The following CLASP2 variants were observed in gnomAD, a reference collection of about 807,000 sequenced individuals.
CLASP2 encodes cytoplasmic linker associated protein 2, also known as CLIP-associating protein 2.
In CLASP2, 47 loss-of-function variants were observed where a neutral mutation model predicts 194.4. The ratio of observed to expected loss-of-function variants is 0.24; its 90% CI spans 0.19 to 0.31. CLASP2 has a LOEUF of 0.31. Ranked by LOEUF, CLASP2 falls within the 10% of genes least tolerant of loss-of-function variation. The pLI is 1.00. For synonymous variants in CLASP2, 619 were observed against 633.5 expected (o/e 0.98, Z 0.34); for missense variants, 1,445 against 1,823.6 (o/e 0.79, Z 3.78).
At chr3:33,572,985 A>T in intron 25 of CLASP2, 125 bp downstream of exon 25, 1 of 1,049,014 alleles carries the variant, frequency 9.5e-7, no homozygotes, top group African/African-American at 1.6e-5. Flanking sequence ...AAACACTTTG[A>T]AGCAACCATA....
At position 33,711,187 on chromosome 3, in the gene CLASP2, C is replaced by T. The variant is rs184081709; in HGVS notation, c.195+6621G>A. On this transcript the variant is annotated intron_variant, in intron 1 of 38. Transcript: ENST00000682230. ...AAGAGGTTTTGTGTTTTTCTCCAAA[C>T]ACCTTCAGTTGCCCTAGTGTAGCTA... Among the ~76,000 whole-genome samples the T allele has an allele frequency of 1.0e-3, 155 of 151,806 alleles. 2 individuals are homozygous for T. Among genetic ancestry groups the T allele is most frequent in the African/African-American group, 3.6e-3 (149 of 41,410 alleles).
intron 24 of CLASP2, among the ~76,000 whole-genome samples, chr3:33,573,792 T>G (rs2064256297): frequency 6.6e-6 from 1 of 152,104 alleles, no homozygotes; most frequent in Admixed American, 6.5e-5. Context: ...TAAAGTTCCA[T>G]TTTTTTCTGT....
intron 7 of CLASP2, among the ~76,000 whole-genome samples, chr3:33,661,131 G>A (rs2085242862): frequency 6.6e-6 from 1 of 152,032 alleles, no homozygotes; most frequent in Non-Finnish European, 1.5e-5. Flanking sequence ...TCATCTAATG[G>A]TCTTTCACTT....
Position 33,601,059 on chromosome 3 carries a change from C to T in CLASP2, c.1924+1893G>A, listed in dbSNP as rs536486417. Among the ~76,000 whole-genome samples, 10 of 150,406 alleles carry T rather than the reference C, an allele frequency of 6.6e-5. No homozygotes were observed. The South Asian group carries it at 1.7e-3, about 25-fold the overall frequency. Reference sequence around the variant, plus strand: ...CTGCAACCTCCGCCTCCCGGGTTCACGCCATTCTCCTGCCTCAGCCTCCCG... The same window carrying T: ...CTGCAACCTCCGCCTCCCGGGTTCATGCCATTCTCCTGCCTCAGCCTCCCG... On this transcript the variant is annotated intron_variant, in intron 18 of 38. Coordinates refer to ENST00000682230, the MANE Select transcript of CLASP2 (RefSeq NM_001365631.1).
intron 2 of CLASP2, among the ~76,000 whole-genome samples, chr3:33,693,176 T>C (rs2091530168): frequency 6.6e-6 from 1 of 152,050 alleles, no homozygotes; most frequent in Non-Finnish European, 1.5e-5. Flanking sequence ...TTATTAATAC[T>C]ATGTATATAG....
chr3:33,622,331 A>G (rs979413562), intron 10 of CLASP2, 51 bp from the exon 11 acceptor site: 2 of 1,377,356 alleles, frequency 1.5e-6, no homozygotes, highest in Admixed American at 2.9e-5. Flanking sequence ...GTGCAAAAAA[A>G]AGAAGCTACC....
chr3:33,587,195 G>C (rs2154220243), intron 21 of CLASP2, among the ~76,000 whole-genome samples: 1 of 151,048 alleles, frequency 6.6e-6, no homozygotes, highest in African/African-American at 2.4e-5. Context: ...GTGTGATCTT[G>C]GCTCACTGCA....
At chr3:33,696,703 TG>T (rs2091952005) in intron 2 of CLASP2, among the ~76,000 whole-genome samples, 151 bp downstream of exon 2, 1 of 152,114 alleles carries the variant, frequency 6.6e-6, no homozygotes, top group African/African-American at 2.4e-5. Flanking sequence ...TGACCTTTGG[TG>T]ATCTGCCTGC....
intron 18 of CLASP2, among the ~76,000 whole-genome samples, chr3:33,600,389 C>G (rs1284940169): frequency 6.6e-6 from 1 of 152,150 alleles, no homozygotes; most frequent in Non-Finnish European, 1.5e-5. Flanking sequence ...AAGATGACTT[C>G]TGTTCCTAGT....
chr3:33,694,200 T>C (rs1329764752), intron 2 of CLASP2, among the ~76,000 whole-genome samples: 1 of 152,102 alleles, frequency 6.6e-6, no homozygotes, highest in East Asian at 1.9e-4. Context: ...AAGTACTTGC[T>C]AAAGATTACA....
At chr3:33,637,342 G>A (rs2080340240) in intron 8 of CLASP2, among the ~76,000 whole-genome samples, 1 of 152,098 alleles carries the variant, frequency 6.6e-6, no homozygotes, top group Admixed American at 6.6e-5. Context: ...GACTAGCCAG[G>A]CAACATGCTG....
intron 23 of CLASP2, chr3:33,577,180 T>C (rs2065077940): frequency 6.4e-7 from 1 of 1,559,686 alleles, no homozygotes; most frequent in South Asian, 1.1e-5. Context: ...CAGATGATAG[T>C]GAAAATGTAC....
chr3:33,715,373 G>T (rs1313313627), intron 1 of CLASP2, among the ~76,000 whole-genome samples: 4 of 152,086 alleles, frequency 2.6e-5, no homozygotes, highest in African/African-American at 9.7e-5. Context: ...TATGCATCTT[G>T]CCTAGTATTC....
In CLASP2 at chr3:33,606,766, A is replaced by G. The variant is rs753829983; in HGVS notation, c.1527-8T>C. 5.1e-6 allele frequency: 8 copies of G among 1,583,710 alleles called. No homozygotes were observed. The African/African-American group carries it at 1.1e-4, about 22-fold the overall frequency. Reference sequence around the variant, plus strand: ...CTAAGACCCATGTATGTCCTGTTAAAAAAAAAGAAAAGCAGATGAAGTAAT... The same window carrying G: ...CTAAGACCCATGTATGTCCTGTTAAGAAAAAAGAAAAGCAGATGAAGTAAT... On this transcript the variant is annotated splice_polypyrimidine_tract_variant and splice_region_variant and intron_variant, in intron 15 of 38. Coordinates refer to ENST00000682230, the MANE Select transcript of CLASP2 (RefSeq NM_001365631.1).
intron 26 of CLASP2, 31 bp from the exon 27 acceptor site, chr3:33,566,765 T>C (rs1306884188): frequency 2.3e-6 from 1 of 436,568 alleles, no homozygotes. Flanking sequence ...GGGGACAGCA[T>C]GCAAAAAGAA....
chr3:33,548,556 A>C (rs1416446488), intron 30 of CLASP2, among the ~76,000 whole-genome samples: 1 of 152,096 alleles, frequency 6.6e-6, no homozygotes, highest in East Asian at 1.9e-4. Context: ...CTGTTTCCCA[A>C]AGTGCTGGAA....
At chr3:33,717,343 G>C (rs1414748315) in intron 1 of CLASP2, among the ~76,000 whole-genome samples, 1 of 152,148 alleles carries the variant, frequency 6.6e-6, no homozygotes, top group African/African-American at 2.4e-5. Context: ...GAAAAATGTG[G>C]TCACAAGTCA....
chr3:33,717,117 T>G (rs912979335), intron 1 of CLASP2, among the ~76,000 whole-genome samples: 3 of 152,060 alleles, frequency 2.0e-5, no homozygotes, highest in East Asian at 1.9e-4. Context: ...TCTTTGTAAC[T>G]TTTTCCCCCC....
chr3:33,628,677 A>G (rs1169586964), intron 9 of CLASP2, among the ~76,000 whole-genome samples: 2 of 152,108 alleles, frequency 1.3e-5, no homozygotes, highest in Admixed American at 6.6e-5. Context: ...AAACAATCAC[A>G]GTGGATAAAT....
Sources: gnomAD v4.1 joint callset for allele counts (sites outside exome capture counted in the v4.1 genomes callset) on GRCh38, gnomAD v4.1.1 for gene constraint, MANE v1.5 for transcripts, NCBI Gene and HGNC (gene_info 2026-07-23, HGNC 2026-07-21) for gene names.